The following NBAS variants were observed in gnomAD, a reference collection of about 807,000 sequenced individuals.
NBAS encodes NBAS subunit of NRZ tethering complex.
In NBAS, 219 loss-of-function variants were observed where a neutral mutation model predicts 302.5. The observed-to-expected ratio is 0.72, with a 90% CI of 0.65 to 0.81. NBAS has a LOEUF of 0.81. NBAS is among the 30% of genes least tolerant of loss of function. NBAS has a pLI of 0.00. For missense variants in NBAS, 2,932 were observed against 2,841.6 expected (o/e 1.03, Z -0.72); for synonymous variants, 1,118 against 1,021.6 (o/e 1.09, Z -1.80).
chr2:15,226,110 A>C (rs1667141274), intron 47 of NBAS, among the ~76,000 whole-genome samples: 1 of 152,196 alleles, frequency 6.6e-6, no homozygotes, highest in South Asian at 2.1e-4. Flanking sequence ...GCTGGCTCTT[A>C]GTGTCAAAAA....
chr2:15,445,879 T>A (rs1678710335), intron 21 of NBAS, among the ~76,000 whole-genome samples: 2 of 146,006 alleles, frequency 1.4e-5, no homozygotes, highest in African/African-American at 2.5e-5. Flanking sequence ...CAAATCAAAC[T>A]TCTAGGAATG....
intron 21 of NBAS, among the ~76,000 whole-genome samples, chr2:15,444,165 T>C (rs543519671): frequency 6.6e-6 from 1 of 151,998 alleles, no homozygotes; most frequent in South Asian, 2.1e-4. Context: ...TTAAAGTTCA[T>C]ATGGAACCAA....
At chr2:15,324,130 G>A (rs966225476) in intron 38 of NBAS, among the ~76,000 whole-genome samples, 30 of 152,246 alleles carry the variant, frequency 2.0e-4, no homozygotes, top group African/African-American at 6.0e-4. Flanking sequence ...GGGTGCCATC[G>A]GAGAGCAACA....
chr2:15,205,478 T>TAA lies in NBAS; in HGVS notation c.6432+13293_6432+13294dup, dbSNP rs35089833. On this transcript the variant is annotated intron_variant, in intron 48 of 51. Coordinates refer to ENST00000281513, the MANE Select transcript of NBAS (RefSeq NM_015909.4). ...AAAGACATAGAGTGGTTGAATAAAT[T>TAA]AAAAAAAAAACCAGACCCAATGATC... Among the ~76,000 whole-genome samples, 85 of 149,142 alleles carry TAA rather than the reference T, an allele frequency of 5.7e-4. 1 individual carries two copies. The East Asian group carries it at 6.1e-3, about 11-fold the overall frequency.
chr2:15,425,228 A>G (rs1251110732), intron 22 of NBAS, among the ~76,000 whole-genome samples: 2 of 152,108 alleles, frequency 1.3e-5, no homozygotes, highest in Non-Finnish European at 2.9e-5. Context: ...TCCATTAGGG[A>G]TAGTCATTCA....
At chr2:15,115,261 C>T in the NBAS span, among the ~76,000 whole-genome samples, 1 of 152,122 alleles carries the variant, frequency 6.6e-6, no homozygotes, top group Non-Finnish European at 1.5e-5. Context: ...CATGCCATCA[C>T]AAAATTGTTT....
chr2:14,897,342 T>G, the NBAS span, among the ~76,000 whole-genome samples: 11 of 152,210 alleles, frequency 7.2e-5, no homozygotes, highest in South Asian at 2.1e-4. Context: ...GATAAATTAT[T>G]TAAATATCCA....
chr2:15,536,415 T>C lies in NBAS; in HGVS notation c.647+3A>G, dbSNP rs1481224107. The C allele has an allele frequency of 1.2e-6, 2 of 1,613,230 alleles. No individual in the cohort carries two copies. The highest frequency in any genetic ancestry group is 1.3e-5 in the African/African-American group (1 of 75,054). On this transcript the variant is annotated splice_donor_region_variant and intron_variant, in intron 8 of 51. Transcript: ENST00000281513. ...AAATATGGCTTCCAAAGCACATTTT[T>C]ACCTTACAAGGTAACTTCTAAGTTC...
At chr2:15,458,739 A>G (rs1679360673) in intron 21 of NBAS, among the ~76,000 whole-genome samples, 1 of 152,180 alleles carries the variant, frequency 6.6e-6, no homozygotes, top group Non-Finnish European at 1.5e-5. Flanking sequence ...CTAAATTATG[A>G]AAGGACAGAG....
the NBAS span, among the ~76,000 whole-genome samples, chr2:15,091,386 C>T: frequency 6.6e-6 from 1 of 152,148 alleles, no homozygotes; most frequent in Admixed American, 6.5e-5. Flanking sequence ...TCCTTCTCAG[C>T]CTACTCAATG....
At chr2:14,868,146 A>G in the NBAS span, among the ~76,000 whole-genome samples, 1 of 152,194 alleles carries the variant, frequency 6.6e-6, no homozygotes, top group African/African-American at 2.4e-5. Context: ...AAGCTAAGCA[A>G]TTTGCTTAAC....
At chr2:14,803,436 T>C in the NBAS span, among the ~76,000 whole-genome samples, 4 of 152,158 alleles carry the variant, frequency 2.6e-5, no homozygotes, top group Non-Finnish European at 5.9e-5. Context: ...TACCTTGGCC[T>C]TCCTAGACTC....
chr2:15,166,055 C>T (rs1664012999), downstream of NBAS, among the ~76,000 whole-genome samples: 1 of 152,164 alleles, frequency 6.6e-6, no homozygotes, highest in African/African-American at 2.4e-5. Context: ...GTGTGAGTCT[C>T]AGGGGGGGCG....
At chr2:15,180,646 T>C (rs1222081283) in intron 50 of NBAS, among the ~76,000 whole-genome samples, 1 of 152,174 alleles carries the variant, frequency 6.6e-6, no homozygotes, top group Non-Finnish European at 1.5e-5. Context: ...CGGGGCCCCT[T>C]CTGACACAAC....
At chr2:14,786,198 T>C in the NBAS span, among the ~76,000 whole-genome samples, 2 of 152,156 alleles carry the variant, frequency 1.3e-5, no homozygotes, top group Admixed American at 6.5e-5. Flanking sequence ...TGTGTCTGTT[T>C]GATTCTTCTC....
At chr2:15,495,552 T>C (rs527744551) in intron 11 of NBAS, among the ~76,000 whole-genome samples, 29 of 152,224 alleles carry the variant, frequency 1.9e-4, no homozygotes, top group African/African-American at 5.8e-4. Flanking sequence ...AAAAGCCATA[T>C]TGTTAGAGAT....
At chr2:15,459,474 A>T (rs950086607) in intron 21 of NBAS, among the ~76,000 whole-genome samples, 1 of 151,538 alleles carries the variant, frequency 6.6e-6, no homozygotes, top group Non-Finnish European at 1.5e-5. Context: ...AATTATTTGA[A>T]AATGAAAAAA....
chr2:15,399,379 TACTGCCAC>T (rs1676035583), intron 26 of NBAS, among the ~76,000 whole-genome samples: 1 of 152,172 alleles, frequency 6.6e-6, no homozygotes, highest in Admixed American at 6.5e-5. Context: ...GCAATTTGAC[TACTGCCAC>T]ACTGATAGCC....
the NBAS span, among the ~76,000 whole-genome samples, chr2:14,874,001 A>G: frequency 6.6e-6 from 1 of 152,194 alleles, no homozygotes; most frequent in African/African-American, 2.4e-5. Context: ...AGACAAAGTC[A>G]ATATAATCAA....
Sources: gnomAD v4.1 joint callset for allele counts (sites outside exome capture counted in the v4.1 genomes callset) on GRCh38, gnomAD v4.1.1 for gene constraint, MANE v1.5 for transcripts, NCBI Gene and HGNC (gene_info 2026-07-23, HGNC 2026-07-21) for gene names.